The following PCDHGB2 variants were observed in gnomAD, a reference collection of about 807,000 sequenced individuals.
The protein encoded by PCDHGB2 is protocadherin gamma subfamily B, 2.
Under a neutral mutation model 59.3 loss-of-function variants are expected in PCDHGB2, and 55 were observed. The ratio of observed to expected loss-of-function variants is 0.93; its 90% CI spans 0.75 to 1.16. The LOEUF is 1.16. Ranked by LOEUF, PCDHGB2 falls within the 50% of genes most tolerant of loss-of-function variation. The pLI is 0.00. For synonymous variants in PCDHGB2, 516 were observed against 512.0 expected (o/e 1.01, Z -0.11); for missense variants, 1,228 against 1,198.5 (o/e 1.02, Z -0.36).
chr5:141,393,206 A>G (rs774279389), intron 1 of PCDHGB2: 2 of 1,613,588 alleles, frequency 1.2e-6, no homozygotes, highest in Non-Finnish European at 1.7e-6. Flanking sequence ...ATAATAACCC[A>G]AAATTCCAGG....
Position 141,388,565 on chromosome 5 carries a change from G to C in PCDHGB2, c.2421+26009G>C, listed in dbSNP as rs149167054. ...CTCCACCCCTAAGCAGCACTGCACAGATACACGTTCTAGTGACTGATGCCA... is the reference window on the plus strand; with the variant it reads ...CTCCACCCCTAAGCAGCACTGCACACATACACGTTCTAGTGACTGATGCCA... On this transcript the variant is annotated intron_variant, in intron 1 of 3. Transcript: ENST00000522605. The C allele has an allele frequency of 1.1e-3, 1,717 of 1,613,854 alleles. 24 individuals carry two copies. The highest frequency in any genetic ancestry group is 4.6e-4 in the Non-Finnish European group (537 of 1,179,878).
intron 1 of PCDHGB2, among the ~76,000 whole-genome samples, chr5:141,455,576 G>T (rs752051075): frequency 1.3e-5 from 2 of 152,154 alleles, no homozygotes; most frequent in Non-Finnish European, 2.9e-5. Flanking sequence ...TCCCACCCCA[G>T]CCTTTTAATA....
At chr5:141,375,365 G>A (rs1227294856) in intron 1 of PCDHGB2, 1 of 1,613,790 alleles carries the variant, frequency 6.2e-7, no homozygotes, top group Non-Finnish European at 8.5e-7. Flanking sequence ...CACGGACAAA[G>A]GAACACCACC....
chr5:141,399,631 T>A lies in PCDHGB2; in HGVS notation c.2421+37075T>A, dbSNP rs1251761184. On this transcript the variant is annotated intron_variant, in intron 1 of 3. Transcript: ENST00000522605. ...GCCTCTGGCACTGGCCTCTTACGTGTCCATGAGCGCGCAAAGTGGGGTGGT... is the reference window on the plus strand; with the variant it reads ...GCCTCTGGCACTGGCCTCTTACGTGACCATGAGCGCGCAAAGTGGGGTGGT... 31 of 1,613,746 alleles carry A rather than the reference T, an allele frequency of 1.9e-5. No homozygotes were observed. The highest frequency in any genetic ancestry group is 2.4e-5 in the Non-Finnish European group (28 of 1,179,892).
intron 1 of PCDHGB2, chr5:141,415,740 G>GTGT: frequency 1.6e-6 from 1 of 617,992 alleles, no homozygotes; most frequent in Non-Finnish European, 2.1e-6. Context: ...GTTTATTAAG[G>GTGT]TTTTTTTTTT....
At chr5:141,448,887 G>T (rs1160586933) in intron 1 of PCDHGB2, among the ~76,000 whole-genome samples, 1 of 152,172 alleles carries the variant, frequency 6.6e-6, no homozygotes, top group East Asian at 1.9e-4. Flanking sequence ...GGAGCTTGCA[G>T]TGAGCCGAGA....
At chr5:141,492,727 G>A (rs2099743408) in intron 1 of PCDHGB2, among the ~76,000 whole-genome samples, 1 of 152,274 alleles carries the variant, frequency 6.6e-6, no homozygotes, top group South Asian at 2.1e-4. Flanking sequence ...GACAGGCAGA[G>A]CTGCCCAGTG....
At chr5:141,509,845 C>G (rs1021433327) in intron 3 of PCDHGB2, among the ~76,000 whole-genome samples, 1 of 152,190 alleles carries the variant, frequency 6.6e-6, no homozygotes, top group African/African-American at 2.4e-5. Context: ...CCCATTCACT[C>G]AGAACAGGGA....
chr5:141,423,562 A>C (rs374427537), intron 1 of PCDHGB2: 1 of 1,613,612 alleles, frequency 6.2e-7, no homozygotes, highest in African/African-American at 1.3e-5. Context: ...CTATGGGGAC[A>C]CGCTCATCAG....
chr5:141,506,280 C>CT (rs1455257972), intron 3 of PCDHGB2, among the ~76,000 whole-genome samples: 1 of 152,024 alleles, frequency 6.6e-6, no homozygotes, highest in Non-Finnish European at 1.5e-5. Flanking sequence ...GAAACCCTGT[C>CT]TCTACTAAAA....
chr5:141,476,979 G>A lies in PCDHGB2; in HGVS notation c.2422-17828G>A, dbSNP rs772801536. On this transcript the variant is annotated intron_variant, in intron 1 of 3. Coordinates refer to ENST00000522605, the MANE Select transcript of PCDHGB2 (RefSeq NM_018923.3). The surrounding 1 kb of genome is among the most constrained non-coding windows in gnomAD (Gnocchi z 7.6). ...ATTTACTCCTTCGGCAGCCACAACC[G>A]CGCCGGCGTGCGGCAACTATTCGCC... The A allele has an allele frequency of 1.9e-6, 3 of 1,614,238 alleles. No homozygotes were observed. The South Asian group carries it at 3.3e-5, about 18-fold the overall frequency.
At chr5:141,421,119 C>T (rs542039688) in intron 1 of PCDHGB2, 1 of 772,768 alleles carries the variant, frequency 1.3e-6, no homozygotes, top group Non-Finnish European at 2.0e-6. Flanking sequence ...TATTTTCCTT[C>T]GCTTTCTGAT....
At chr5:141,430,689 T>A in intron 1 of PCDHGB2, 1 of 1,408,998 alleles carries the variant, frequency 7.1e-7, no homozygotes, top group Non-Finnish European at 9.4e-7. Flanking sequence ...TCCCATTCTA[T>A]GGGCGAAGGA....
Position 141,494,808 on chromosome 5 carries a change from A to G in PCDHGB2, c.2423A>G (p.Gln808Arg). The G allele has an allele frequency of 1.9e-6, 3 of 1,614,014 alleles. No individual in the cohort carries two copies. Among genetic ancestry groups the G allele is most frequent in the Non-Finnish European group, 2.5e-6 (3 of 1,179,982 alleles). The change falls in exon 2 of 4, where the codon CAA becomes CGA. Residue 808 changes from glutamine to arginine, a missense_variant and splice_region_variant. Gln to Arg is a conservative substitution (Grantham distance 43, BLOSUM62 1). Around this residue, in one of 3 missense-constraint regions of PCDHGB2, gnomAD observed 433 missense variants for 441.8 expected, o/e 0.98. Coordinates refer to ENST00000522605, the MANE Select transcript of PCDHGB2 (RefSeq NM_018923.3). ...CCTTTCCCTCTGTTTTCTCCACAGC[A>G]AGCCCCGCCCAACACGGACTGGCGT... ...VPFASDTILK[Q>R]APPNTDWRFS...
At chr5:141,422,957 A>C in intron 1 of PCDHGB2, 1 of 1,614,190 alleles carries the variant, frequency 6.2e-7, no homozygotes. Flanking sequence ...ACTGGCGTGG[A>C]GCTGGCGCCC....
At chr5:141,481,356 T>A (rs1214829594) in intron 1 of PCDHGB2, among the ~76,000 whole-genome samples, 1 of 152,260 alleles carries the variant, frequency 6.6e-6, no homozygotes, top group East Asian at 1.9e-4. Context: ...CATCTACAGC[T>A]GTTCAATAGA....
intron 1 of PCDHGB2, among the ~76,000 whole-genome samples, chr5:141,455,160 G>GTT (rs59530096): frequency 1.3e-4 from 20 of 149,232 alleles, no homozygotes; most frequent in South Asian, 1.1e-3. Flanking sequence ...TAGTTTGTTG[G>GTT]TTTTTTTTTT....
chr5:141,510,291 A>AG (rs903726285), intron 3 of PCDHGB2, among the ~76,000 whole-genome samples: 1 of 150,450 alleles, frequency 6.6e-6, no homozygotes, highest in African/African-American at 2.4e-5. Context: ...AAAAAAAAAA[A>AG]TGCTGTTTTG....
At chr5:141,449,025 C>G (rs2154562458) in intron 1 of PCDHGB2, among the ~76,000 whole-genome samples, 1 of 152,216 alleles carries the variant, frequency 6.6e-6, no homozygotes, top group East Asian at 1.9e-4. Flanking sequence ...GCTTAGCATT[C>G]CTTTGGATTA....
Sources: allele counts gnomAD v4.1 joint callset (sites outside exome capture counted in the v4.1 genomes callset), GRCh38; gene constraint gnomAD v4.1.1; regional missense constraint gnomAD v4.1.1; non-coding constraint Gnocchi (gnomAD v3.1); transcripts MANE v1.5; gene names NCBI Gene and HGNC (gene_info 2026-07-23, HGNC 2026-07-21).